The following BRD9 variants were observed in gnomAD, a reference collection of about 807,000 sequenced individuals.
The protein encoded by BRD9 is bromodomain containing 9.
BRD9 carries 47 observed loss-of-function variants against 68.7 expected under a neutral mutation model. That is an observed-to-expected ratio of 0.68 (90% CI 0.54 to 0.87). The LOEUF (loss-of-function observed/expected upper bound fraction) is 0.87, where lower values mean the gene tolerates loss of function less well. Among genes scored for constraint, BRD9 ranks in the 40% least tolerant of loss-of-function variants. The pLI is 0.00. For missense variants in BRD9, 670 were observed against 748.4 expected, an observed-to-expected ratio of 0.90 and a Z score of 1.22; for synonymous variants, 313 against 293.9, an observed-to-expected ratio of 1.06 and a Z score of -0.67.
intron 1 of BRD9, 39 bp downstream of exon 1, chr5:892,567 A>AC (rs1178554843): frequency 6.5e-7 from 1 of 1,529,924 alleles, no homozygotes; most frequent in Admixed American, 2.0e-5. Flanking sequence ...CGTGCCCGGG[A>AC]CCCCGCCCGC....
At chr5:886,795 G>A (rs1331766137) in intron 6 of BRD9, 88 bp from the exon 7 acceptor site, 3 of 1,599,576 alleles carry the variant, frequency 1.9e-6, no homozygotes, top group East Asian at 4.5e-5. Context: ...AGAGCAGCAG[G>A]GATTTACCTC....
chr5:865,682 G>A, intron 14 of BRD9, 101 bp from the exon 15 acceptor site: 1 of 1,297,686 alleles, frequency 7.7e-7, no homozygotes, highest in Non-Finnish European at 1.1e-6. Context: ...TCTCTGCTCA[G>A]GACAATAATT....
rs547438973 is a variant in BRD9, at chr5:877,923, A to T, written c.1271+432T>A. ...AGGATGGCCCCGGGAAGGCACAGGG[A>T]AAAGACGGAAAGACGGCACCTGCAG... On this transcript the variant is annotated intron_variant, in intron 11 of 15. Coordinates refer to ENST00000467963, the MANE Select transcript of BRD9 (RefSeq NM_023924.5). Among the ~76,000 whole-genome samples, 4 of 152,292 alleles carry T rather than the reference A, an allele frequency of 2.6e-5. No homozygotes were observed. The South Asian group carries it at 8.3e-4, about 32-fold the overall frequency.
chr5:868,334 C>T (rs1162854361), intron 14 of BRD9, among the ~76,000 whole-genome samples: 1 of 152,242 alleles, frequency 6.6e-6, no homozygotes, highest in Non-Finnish European at 1.5e-5. Flanking sequence ...GACTAACACA[C>T]CACAGCACAT....
chr5:878,898 G>GC, intron 10 of BRD9: 1 of 130,918 alleles, frequency 7.6e-6, no homozygotes, highest in Non-Finnish European at 1.4e-5. Flanking sequence ...GTCCCATAGG[G>GC]TGTGGAGCAG....
chr5:886,943 G>C, intron 6 of BRD9: 2 of 618,822 alleles, frequency 3.2e-6, no homozygotes, highest in East Asian at 3.0e-5. Context: ...AGCGCGGCAG[G>C]TGCCGCACCT....
rs1207731082 is a variant in BRD9, at chr5:864,407, ACT to A, written c.*59_*60del. On this transcript the variant is annotated 3_prime_UTR_variant, in exon 16 of 16. Transcript: ENST00000467963. ...TCAAAGTCCTTGTCTGATGACAAAA[ACT>A]CTACACGTGCAAAATAAAACTAAAA... 1.6e-5 allele frequency: 22 copies of A among 1,402,636 alleles called. No homozygotes were observed. The highest frequency in any genetic ancestry group is 2.2e-5 in the Admixed American group (1 of 46,202). 86.9% of individuals were successfully genotyped at this position (1,402,636 alleles called of 1,614,324 possible). A position where few individuals can be genotyped will look rare whatever the true frequency, so the allele number is the denominator to read the frequency against.
At chr5:871,627 C>A in intron 12 of BRD9, 63 bp from the exon 13 acceptor site, 1 of 1,468,232 alleles carries the variant, frequency 6.8e-7, no homozygotes, top group South Asian at 1.1e-5. Flanking sequence ...ACGGACAATT[C>A]GCTGACATTA....
chr5:876,247 A>T (rs760799208), intron 11 of BRD9, 35 bp from the exon 12 acceptor site: 1 of 1,558,610 alleles, frequency 6.4e-7, no homozygotes, highest in Non-Finnish European at 8.8e-7. Context: ...CGCTGAAAGG[A>T]GCCCTTGTCG....
Position 877,849 on chromosome 5 carries a change from C to G in BRD9, c.1271+506G>C, listed in dbSNP as rs1751184677. Among the ~76,000 whole-genome samples, 4 of 152,116 alleles carry G rather than the reference C, an allele frequency of 2.6e-5. No individual in the cohort carries two copies. The South Asian group carries it at 8.3e-4, about 31-fold the overall frequency. ...GGCCCTGATCCAATATGACCAGGGT[C>G]CTTGAGAACGGTAGGGTCTCCAGGA... On this transcript the variant is annotated intron_variant, in intron 11 of 15. Coordinates refer to ENST00000467963, the MANE Select transcript of BRD9 (RefSeq NM_023924.5).
chr5:865,647 A>G (rs1469561586), intron 14 of BRD9, 66 bp from the exon 15 acceptor site: 2 of 1,477,848 alleles, frequency 1.4e-6, no homozygotes, highest in Non-Finnish European at 1.8e-6. Context: ...TAAGGGCAGG[A>G]GCACACTGCC....
intron 7 of BRD9, among the ~76,000 whole-genome samples, chr5:885,496 C>A (rs1752421686): frequency 6.6e-6 from 1 of 152,206 alleles, no homozygotes; most frequent in Non-Finnish European, 1.5e-5. Flanking sequence ...GGGCCGTGAC[C>A]ATCACAATTG....
At chr5:871,503 C>A in intron 13 of BRD9, 23 bp downstream of exon 13, 1 of 1,611,780 alleles carries the variant, frequency 6.2e-7, no homozygotes, top group Admixed American at 1.7e-5. Context: ...ATTTGGCTTG[C>A]CCTTCCATGT....
chr5:870,226 C>G, intron 14 of BRD9: 1 of 455,576 alleles, frequency 2.2e-6, no homozygotes, highest in Non-Finnish European at 4.0e-6. Flanking sequence ...TCGGCCAGAC[C>G]CCATCCTGAG....
At chr5:887,260 TG>T in intron 6 of BRD9, 100 bp downstream of exon 6, 1 of 978,948 alleles carries the variant, frequency 1.0e-6, no homozygotes, top group Non-Finnish European at 1.6e-6. Context: ...GGGTGGCGGG[TG>T]GATGGAGCAC....
chr5:877,305 G>A (rs1751097460), intron 11 of BRD9, among the ~76,000 whole-genome samples: 1 of 152,182 alleles, frequency 6.6e-6, no homozygotes, highest in South Asian at 2.1e-4. Context: ...GGAGGGTGGG[G>A]AGCAAACAAC....
intron 13 of BRD9, 141 bp from the exon 14 acceptor site, chr5:870,716 T>C: frequency 1.7e-6 from 1 of 604,396 alleles, no homozygotes; most frequent in Admixed American, 2.7e-5. Flanking sequence ...CCAAGCCCTG[T>C]TCACTGAGGC....
chr5:892,396 C>G, intron 1 of BRD9: 1 of 1,190,990 alleles, frequency 8.4e-7, no homozygotes, highest in African/African-American at 1.6e-5. Context: ...ACCCAGAACC[C>G]TCTACCAGGA....
chr5:886,869 C>G (rs531600003), intron 6 of BRD9, 162 bp from the exon 7 acceptor site: 244 of 1,287,448 alleles, frequency 1.9e-4, no homozygotes, highest in Non-Finnish European at 2.5e-4. Flanking sequence ...CTCACCTGGC[C>G]TAAGAGCTAA....
Sources: allele counts gnomAD v4.1 joint callset (sites outside exome capture counted in the v4.1 genomes callset), GRCh38; gene constraint gnomAD v4.1.1; transcripts MANE v1.5; gene names NCBI Gene and HGNC (gene_info 2026-07-23, HGNC 2026-07-21).